Variants in DKK4 observed in about 807,000 individuals in gnomAD.
DKK4 encodes dickkopf Wnt signaling pathway inhibitor 4, also known as dickkopf-related protein 4.
A neutral mutation model predicts 14.5 loss-of-function variants in DKK4; 15 were observed. That is an observed-to-expected ratio of 1.03 (90% CI 0.69 to 1.59). DKK4 has a LOEUF of 1.59. DKK4 is among the 40% of genes most tolerant of loss of function. DKK4 has a pLI of 0.00. For synonymous variants in DKK4, 89 were observed against 105.2 expected, an observed-to-expected ratio of 0.85 and a Z score of 0.94; for missense variants, 272 against 280.3, an observed-to-expected ratio of 0.97 and a Z score of 0.21.
chr8:42,382,816 A>G, the DKK4 span, among the ~76,000 whole-genome samples: 2 of 152,164 alleles, frequency 1.3e-5, no homozygotes, highest in Non-Finnish European at 2.9e-5. Context: ...AAATTTCTCA[A>G]AAAAAAATTT....
Position 42,374,206 on chromosome 8 carries a change from AT to A in DKK4, c.568del (p.Ile190SerfsTer17), listed in dbSNP as rs761408532. 3 of 1,613,038 alleles carry A rather than the reference AT, an allele frequency of 1.9e-6. No homozygotes were observed. Among genetic ancestry groups the A allele is most frequent in the South Asian group, 2.2e-5 (2 of 90,902 alleles). On this transcript the variant is annotated frameshift_variant, in exon 4 of 4. Coordinates refer to ENST00000220812, the MANE Select transcript of DKK4 (RefSeq NM_014420.3). LOFTEE classifies it low-confidence loss of function (END_TRUNC). ...AGGGCCACAGTCGCAACGCTGGAAG[AT>A]TTCTGGAGCTTGAGCAGTGTCTTTA... Reference protein sequence around the residue: ...GHKDTAQAPEIFQRCDCGPGL... With the variant: ...GHKDTAQAPEXFQRCDCGPGL...
At chr8:42,389,562 G>A in the DKK4 span, among the ~76,000 whole-genome samples, 28 of 152,168 alleles carry the variant, frequency 1.8e-4, no homozygotes, top group South Asian at 4.2e-4. Flanking sequence ...TTCACACAGC[G>A]GTCAAATCTG....
the DKK4 span, among the ~76,000 whole-genome samples, chr8:42,388,144 C>CT: frequency 6.6e-6 from 1 of 152,190 alleles, no homozygotes; most frequent in South Asian, 2.1e-4. Context: ...ACAGGATAGT[C>CT]TGAAGTTGTG....
At chr8:42,380,607 GAGAA>G (rs1159948316), upstream of DKK4, among the ~76,000 whole-genome samples, 1 of 145,320 alleles carries the variant, frequency 6.9e-6, no homozygotes, top group African/African-American at 2.6e-5. Context: ...AGAAGGGAAG[GAGAA>G]AGAAAAAGAG....
intron 1 of DKK4, 32 bp from the exon 2 acceptor site, chr8:42,375,862 G>GA: frequency 3.1e-6 from 5 of 1,610,690 alleles, no homozygotes; most frequent in Non-Finnish European, 4.2e-6. Flanking sequence ...ACAAGGCTAG[G>GA]AAACCCCCAA....
chr8:42,390,292 G>A, the DKK4 span, among the ~76,000 whole-genome samples: 1 of 144,088 alleles, frequency 6.9e-6, no homozygotes, highest in African/African-American at 2.6e-5. Context: ...GGTTTTGTTT[G>A]TTTGGTTTTT....
rs369904207 is a variant in DKK4, at chr8:42,374,084, C to T, written c.*16G>A. Reference sequence around the variant, plus strand: ...GAGCTCAAATGCAATGTGGATTCTTCTTTATTTTGAAATATTTATAGCTTT... The same window carrying T: ...GAGCTCAAATGCAATGTGGATTCTTTTTTATTTTGAAATATTTATAGCTTT... On this transcript the variant is annotated 3_prime_UTR_variant, in exon 4 of 4. Transcript: ENST00000220812. 2 of 1,609,972 alleles carry T rather than the reference C, an allele frequency of 1.2e-6. No homozygotes were observed. Among genetic ancestry groups the T allele is most frequent in the African/African-American group, 1.3e-5 (1 of 74,692 alleles).
intron 3 of DKK4, 87 bp downstream of exon 3, chr8:42,374,674 A>G: frequency 1.9e-6 from 3 of 1,542,516 alleles, no homozygotes; most frequent in Non-Finnish European, 2.7e-6. Flanking sequence ...GATGGAGAAG[A>G]ATAAAATCAG....
At chr8:42,387,857 CCTT>C in the DKK4 span, among the ~76,000 whole-genome samples, 5 of 150,934 alleles carry the variant, frequency 3.3e-5, no homozygotes, top group African/African-American at 7.5e-5. Context: ...AGAAGAAAGA[CCTT>C]CAGATAACAG....
chr8:42,381,714 C>T (rs1033849629), upstream of DKK4, among the ~76,000 whole-genome samples: 2 of 152,088 alleles, frequency 1.3e-5, no homozygotes, highest in Admixed American at 6.5e-5. Flanking sequence ...ACCATGAGCT[C>T]GAGCCAGGCG....
upstream of DKK4, among the ~76,000 whole-genome samples, chr8:42,380,113 A>G (rs1394041394): frequency 1.3e-5 from 2 of 152,096 alleles, no homozygotes; most frequent in Non-Finnish European, 2.9e-5. Context: ...TGGGAGGATC[A>G]CTTGAAGCCA....
At chr8:42,386,800 T>C in the DKK4 span, among the ~76,000 whole-genome samples, 3 of 152,330 alleles carry the variant, frequency 2.0e-5, no homozygotes, top group East Asian at 5.8e-4. Flanking sequence ...GCCCTTTTTC[T>C]TTAAAGAAAC....
chr8:42,379,910 T>C (rs973183316), upstream of DKK4, among the ~76,000 whole-genome samples: 1 of 152,160 alleles, frequency 6.6e-6, no homozygotes, highest in Non-Finnish European at 1.5e-5. Flanking sequence ...TATATCAGAC[T>C]GAGAATGCCA....
upstream of DKK4, chr8:42,377,263 C>G (rs1824583513): frequency 1.9e-6 from 1 of 540,052 alleles, no homozygotes; most frequent in Non-Finnish European, 3.3e-6. Context: ...TATTTATAAC[C>G]AGATGTGCCT....
upstream of DKK4, among the ~76,000 whole-genome samples, chr8:42,380,624 A>G (rs1824656851): frequency 1.4e-5 from 2 of 143,898 alleles, no homozygotes; most frequent in South Asian, 2.1e-4. Flanking sequence ...AAAAAGAGAA[A>G]GAAAGAAAGA....
the DKK4 span, among the ~76,000 whole-genome samples, chr8:42,389,572 G>GAT: frequency 2.6e-5 from 4 of 152,124 alleles, no homozygotes; most frequent in African/African-American, 4.8e-5. Context: ...GGTCAAATCT[G>GAT]ATATTTGCCT....
intron 1 of DKK4, among the ~76,000 whole-genome samples, chr8:42,376,274 T>G (rs1302336994): frequency 5.3e-5 from 8 of 152,178 alleles, no homozygotes; most frequent in Non-Finnish European, 1.2e-4. Flanking sequence ...CTAAGTGAAC[T>G]GTCCTTTGAT....
chr8:42,377,203 G>A lies in DKK4; in HGVS notation c.-158C>T, dbSNP rs1030826720. ...AGAAGTAAACCTTAGTCTGAGTAAG[G>A]TGCGTGAAATCGGCTGAGCAAAGTC... On this transcript the variant is annotated 5_prime_UTR_variant, in exon 1 of 4. Transcript: ENST00000220812. 2 of 613,022 alleles carry A rather than the reference G, an allele frequency of 3.3e-6. No individual in the cohort carries two copies. Among genetic ancestry groups the A allele is most frequent in the South Asian group, 4.3e-5 (2 of 46,552 alleles). The allele number at this position is 613,022 out of a possible 1,614,324, so 38.0% of individuals were successfully genotyped here.
At chr8:42,379,364 TATATATATATATATAGAGAGAGAG>T (rs1333120425), upstream of DKK4, among the ~76,000 whole-genome samples, 1 of 46,028 alleles carries the variant, frequency 2.2e-5, no homozygotes, top group East Asian at 6.6e-4. Context: ...TATATATATA[TATATATATATATATAGAGAGAGAG>T]AGAGAGAGAG....
Sources: gnomAD v4.1 joint callset for allele counts (sites outside exome capture counted in the v4.1 genomes callset) on GRCh38, gnomAD v4.1.1 for gene constraint, MANE v1.5 for transcripts, NCBI Gene and HGNC (gene_info 2026-07-23, HGNC 2026-07-21) for gene names.